Variants in TNN observed in about 807,000 individuals in gnomAD.
TNN encodes tenascin-N.
In TNN, 122 loss-of-function variants were observed where a neutral mutation model predicts 134.4. That is an observed-to-expected ratio of 0.91 (90% CI 0.78 to 1.06). The LOEUF (loss-of-function observed/expected upper bound fraction) is 1.06. TNN is among the 50% of genes least tolerant of loss of function. The pLI, the probability that TNN is intolerant of heterozygous loss-of-function variation, is 0.00. For missense variants in TNN, 1,739 were observed against 1,699.4 expected (o/e 1.02, Z -0.41); for synonymous variants, 710 against 670.3 (o/e 1.06, Z -0.91).
intron 12 of TNN, among the ~76,000 whole-genome samples, chr1:175,126,645 G>A (rs1408406899): frequency 6.6e-6 from 1 of 152,114 alleles, no homozygotes; most frequent in East Asian, 1.9e-4. Context: ...CATCTCTGAG[G>A]ATCTATCTGC....
rs774128763 is a variant in TNN at position 175,116,977 on chromosome 1, A to G, written c.2158A>G (p.Thr720Ala). 1 of 1,614,194 alleles carries G rather than the reference A, an allele frequency of 6.2e-7. No homozygotes were observed. Among genetic ancestry groups the G allele is most frequent in the Non-Finnish European group, 8.5e-7 (1 of 1,180,036 alleles). Residue 720 changes from threonine to alanine, a missense_variant, in exon 10 of 19, where the codon ACA becomes GCA. Transcript: ENST00000239462. ...SPQNLVTDRV[T>A]ENMATVSWDP... ...CCAAAACCTGGTGACCGACCGGGTG[A>G]CAGAGAATATGGCCACTGTCTCCTG...
chr1:175,135,858 G>A lies in TNN; in HGVS notation c.3344G>A (p.Arg1115Gln), dbSNP rs73030994. The stretch of plus-strand genomic sequence containing the variant: ...CTTCCTTCTCAGGTCTTCCAGAGGC[G>A]GAACACTGGGCAGCTGGATTTCTTC... ...DGGGWIVFQR[R>Q]NTGQLDFFKR... Residue 1115 changes from arginine to glutamine, a missense_variant, in exon 16 of 19, where the codon CGG becomes CAG. By Grantham distance (43) the Arg-to-Gln change is conservative (BLOSUM62 1). Coordinates refer to ENST00000239462, the MANE Select transcript of TNN (RefSeq NM_022093.2). 55 of 1,613,658 alleles carry A rather than the reference G, an allele frequency of 3.4e-5. No homozygotes were observed. In the Middle Eastern group the frequency reaches 5.0e-4, roughly 15 times the overall value.
chr1:175,122,779 A>T (rs755395289), intron 11 of TNN, among the ~76,000 whole-genome samples: 13 of 152,234 alleles, frequency 8.5e-5, no homozygotes, highest in Non-Finnish European at 1.6e-4. Context: ...AGAGAAATGG[A>T]ATGATACGGG....
In TNN at chr1:175,083,889, C is replaced by A; in HGVS notation, c.1188C>A (p.Val396=). 1 of 1,614,134 alleles carries A rather than the reference C, an allele frequency of 6.2e-7. No homozygotes were observed. Among genetic ancestry groups the A allele is most frequent in the South Asian group, 1.1e-5 (1 of 91,062 alleles). Residue 396 remains valine (V), a synonymous_variant, in exon 5 of 19, where the codon GTC becomes GTA. Transcript: ENST00000239462. ...TGACAGGACAGGAGGTAGCTGAGGTCACTGTGCCCAAGAGCAGTGACCCCA... is the reference window on the plus strand; with the variant it reads ...TGACAGGACAGGAGGTAGCTGAGGTAACTGTGCCCAAGAGCAGTGACCCCA... ...GPMTGQEVAE[V]TVPKSSDPKS...
intron 9 of TNN, among the ~76,000 whole-genome samples, chr1:175,113,889 A>G (rs1295136162): frequency 2.0e-5 from 3 of 151,948 alleles, no homozygotes; most frequent in East Asian, 1.9e-4. Context: ...CATTGAATTC[A>G]TTAGCTGTGT....
intron 3 of TNN, among the ~76,000 whole-genome samples, 154 bp from the exon 4 acceptor site, chr1:175,080,009 T>C (rs546753959): frequency 6.6e-6 from 1 of 152,144 alleles, no homozygotes; most frequent in South Asian, 2.1e-4. Context: ...ATTAATTACC[T>C]GTCGTTCGGA....
In TNN at chr1:175,089,749, G is replaced by A. The variant is rs1282607658; in HGVS notation, c.1325-4241G>A. Among the ~76,000 whole-genome samples the A allele has an allele frequency of 2.0e-5, 3 of 152,170 alleles. No individual in the cohort carries two copies. In the East Asian group the frequency reaches 5.8e-4, roughly 29 times the overall value. Reference sequence around the variant, plus strand: ...TTCACAAGCTCCCATGCACAGCAAAGGTTATAGCCTAGAATATTCACTTGT... The same window carrying A: ...TTCACAAGCTCCCATGCACAGCAAAAGTTATAGCCTAGAATATTCACTTGT... On this transcript the variant is annotated intron_variant, in intron 6 of 18. Transcript: ENST00000239462.
intron 17 of TNN, 31 bp downstream of exon 17, chr1:175,137,019 T>C (rs1675829333): frequency 1.2e-6 from 2 of 1,607,976 alleles, no homozygotes; most frequent in Admixed American, 1.7e-5. Flanking sequence ...ACTGCGAAGG[T>C]CTCTTGCTGT....
chr1:175,112,596 A>AGCTT (rs1675057746), intron 9 of TNN, among the ~76,000 whole-genome samples: 1 of 8,078 alleles, frequency 1.2e-4, no homozygotes. Context: ...CAGCCGGCCG[A>AGCTT]TCTTTTTTTT....
intron 18 of TNN, among the ~76,000 whole-genome samples, chr1:175,145,575 A>AAAAAAAAAAAC (rs1558378532): frequency 1.3e-5 from 2 of 148,970 alleles, no homozygotes; most frequent in East Asian, 1.9e-4. Flanking sequence ...AAAAAAAAAA[A>AAAAAAAAAAAC]GCTGTCTCAA....
At chr1:175,067,997 A>G (rs1452850292) in intron 1 of TNN, 62 bp downstream of exon 1, 2 of 453,236 alleles carry the variant, frequency 4.4e-6, no homozygotes, top group East Asian at 7.0e-5. Flanking sequence ...AATGCAGATG[A>G]GCTCAAAAGT....
rs1347205731 is a variant in TNN, at chr1:175,079,766, C to A, written c.784+59C>A. 4.0e-6 allele frequency: 6 copies of A among 1,512,652 alleles called. No homozygotes were observed. In the East Asian group the frequency reaches 1.1e-4, roughly 29 times the overall value. The allele number at this position is 1,512,652 out of a possible 1,614,324, so 93.7% of individuals were successfully genotyped here. On this transcript the variant is annotated intron_variant, in intron 3 of 18. Transcript: ENST00000239462. ...CTCTTCTTTCCAATGCACCATTTAA[C>A]CCTCAATTACACGTTGTCATCTTTG...
chr1:175,107,451 A>G (rs1325335464), intron 9 of TNN, among the ~76,000 whole-genome samples: 1 of 143,932 alleles, frequency 6.9e-6, no homozygotes, highest in Admixed American at 7.0e-5. Context: ...ACAGCTCTTA[A>G]GGCAGCACGT....
chr1:175,120,217 A>G (rs1675315615), intron 11 of TNN, among the ~76,000 whole-genome samples: 1 of 152,242 alleles, frequency 6.6e-6, no homozygotes, highest in Non-Finnish European at 1.5e-5. Flanking sequence ...AGTGGTGAAC[A>G]AAACAAATAT....
In TNN at chr1:175,135,919, C is replaced by A. The variant is rs10158841; in HGVS notation, c.3405C>A (p.Asp1135Glu). The A allele has an allele frequency of 1.4e-3, 2,195 of 1,613,262 alleles. 37 individuals carry two copies. The African/African-American group carries it at 0.026, about 19-fold the overall frequency. The change falls in exon 16 of 19, where the codon GAC becomes GAA. Residue 1135 changes from aspartate to glutamate, a missense_variant. Asp to Glu is a conservative substitution (Grantham distance 45). Coordinates refer to ENST00000239462, the MANE Select transcript of TNN (RefSeq NM_022093.2). ...RWRSYVEGFG[D>E]PMKEFWLGLD... ...GGAGCTATGTGGAAGGCTTTGGGGA[C>A]CCCATGAAGGAGTTCTGGCTTGGTA...
chr1:175,098,753 T>A (rs1253130765), intron 9 of TNN, among the ~76,000 whole-genome samples, 158 bp downstream of exon 9: 1 of 152,218 alleles, frequency 6.6e-6, no homozygotes, highest in Non-Finnish European at 1.5e-5. Flanking sequence ...TTTACTGGCC[T>A]CTCTTAGAAT....
intron 1 of TNN, among the ~76,000 whole-genome samples, chr1:175,071,042 C>T (rs1455057787): frequency 6.6e-6 from 1 of 152,176 alleles, no homozygotes; most frequent in Non-Finnish European, 1.5e-5. Flanking sequence ...TGATATCCAC[C>T]CTGTCATTTG....
intron 9 of TNN, among the ~76,000 whole-genome samples, chr1:175,108,690 T>C (rs1299540726): frequency 6.6e-6 from 1 of 152,224 alleles, no homozygotes; most frequent in Non-Finnish European, 1.5e-5. Context: ...CCTCCGCAGC[T>C]GCTGGCCCGG....
chr1:175,099,276 C>T (rs1674656152), intron 9 of TNN, among the ~76,000 whole-genome samples: 1 of 152,136 alleles, frequency 6.6e-6, no homozygotes, highest in African/African-American at 2.4e-5. Context: ...TATGCAGTTT[C>T]TCACCCATTT....
Sources: gnomAD v4.1 joint callset for allele counts (sites outside exome capture counted in the v4.1 genomes callset) on GRCh38, gnomAD v4.1.1 for gene constraint, MANE v1.5 for transcripts, NCBI Gene and HGNC (gene_info 2026-07-23, HGNC 2026-07-21) for gene names.